CCDC86: variants seen among roughly 807,000 people sequenced by gnomAD.
CCDC86 encodes the protein coiled-coil domain-containing protein 86.
In CCDC86, 28 loss-of-function variants were observed where a neutral mutation model predicts 36.7. The ratio of observed to expected loss-of-function variants is 0.76; its 90% confidence interval spans 0.57 to 1.05. The LOEUF is 1.05. Among genes scored for constraint, CCDC86 ranks in the 50% least tolerant of loss-of-function variants. The pLI is 0.00. For synonymous variants in CCDC86, 199 were observed against 203.4 expected (o/e 0.98, Z 0.18); for missense variants, 453 against 470.2 (o/e 0.96, Z 0.34).
In CCDC86 at chr11:60,850,518, G is replaced by A. The variant is rs1855249217; in HGVS notation, c.*193G>A. Reference sequence around the variant, plus strand: ...TCTGTGTGGGACAGAAGCCCAGAGGGGGCCTGGGACCTGGCAGAGATGGGG... The same window carrying A: ...TCTGTGTGGGACAGAAGCCCAGAGGAGGCCTGGGACCTGGCAGAGATGGGG... On this transcript the variant is annotated 3_prime_UTR_variant, in exon 4 of 4. Transcript: ENST00000227520. 1 of 642,970 alleles carries A rather than the reference G, an allele frequency of 1.6e-6. No homozygotes were observed. Among genetic ancestry groups the A allele is most frequent in the Non-Finnish European group, 2.5e-6 (1 of 395,060 alleles). 39.8% of individuals were successfully genotyped at this position (642,970 alleles called of 1,614,324 possible).
At chr11:60,848,566 C>G (rs1436268462) in intron 2 of CCDC86, among the ~76,000 whole-genome samples, 1 of 152,162 alleles carries the variant, frequency 6.6e-6, no homozygotes, top group Non-Finnish European at 1.5e-5. Flanking sequence ...CAGGAAGCCC[C>G]TGTAAAGGGT....
At chr11:60,848,164 A>C in intron 2 of CCDC86, 111 bp downstream of exon 2, 1 of 1,364,554 alleles carries the variant, frequency 7.3e-7, no homozygotes, top group Non-Finnish European at 9.8e-7. Flanking sequence ...CGACTTGGTT[A>C]AAAAACGTTC....
chr11:60,847,866 A>T (rs1410775729), intron 1 of CCDC86, 58 bp from the exon 2 acceptor site: 1 of 1,523,806 alleles, frequency 6.6e-7, no homozygotes, highest in Non-Finnish European at 8.9e-7. Flanking sequence ...GAGAGGAGAC[A>T]GGGCATGGGT....
chr11:60,844,519 G>C (rs904200661), intron 1 of CCDC86, among the ~76,000 whole-genome samples: 3 of 152,244 alleles, frequency 2.0e-5, no homozygotes, highest in African/African-American at 7.2e-5. Context: ...TGTTTGAAAG[G>C]CTCTTTCCCT....
chr11:60,849,901 T>A (rs1354238803), intron 2 of CCDC86, 39 bp from the exon 3 acceptor site: 1 of 1,580,326 alleles, frequency 6.3e-7, no homozygotes. Context: ...GGGCTGCCTC[T>A]GCTCCCCGAC....
At chr11:60,845,426 T>C (rs985903398) in intron 1 of CCDC86, among the ~76,000 whole-genome samples, 8 of 152,322 alleles carry the variant, frequency 5.3e-5, no homozygotes, top group African/African-American at 1.9e-4. Flanking sequence ...AAGGAGGCTG[T>C]CTCAAGAGAA....
chr11:60,847,059 G>A (rs1855193338), intron 1 of CCDC86, among the ~76,000 whole-genome samples: 1 of 151,842 alleles, frequency 6.6e-6, no homozygotes, highest in South Asian at 2.1e-4. Flanking sequence ...TCCAACTGGG[G>A]GAAGAGATTC....
chr11:60,849,913 C>T (rs753194844), intron 2 of CCDC86, 27 bp from the exon 3 acceptor site: 1 of 1,606,644 alleles, frequency 6.2e-7, no homozygotes, highest in Admixed American at 1.7e-5. Context: ...CTCCCCGACT[C>T]AAATCCCCTT....
chr11:60,846,577 CT>C (rs919141649), intron 1 of CCDC86, among the ~76,000 whole-genome samples: 1 of 150,506 alleles, frequency 6.6e-6, no homozygotes. Context: ...TTCTTTTTTT[CT>C]TTTTTTTTGT....
At chr11:60,846,490 C>T (rs1468543751) in intron 1 of CCDC86, among the ~76,000 whole-genome samples, 3 of 152,176 alleles carry the variant, frequency 2.0e-5, no homozygotes, top group Admixed American at 2.0e-4. Flanking sequence ...GAGCAAAGCT[C>T]TCAAGTCCCC....
chr11:60,843,987 G>A (rs538208922), intron 1 of CCDC86, among the ~76,000 whole-genome samples: 47 of 152,340 alleles, frequency 3.1e-4, no homozygotes, highest in African/African-American at 1.1e-3. Context: ...TGTAACTGTT[G>A]GAGAAGTGGA....
chr11:60,850,519 G>A lies in CCDC86; in HGVS notation c.*194G>A, dbSNP rs1855249265. 2 of 630,864 alleles carry A rather than the reference G, an allele frequency of 3.2e-6. No individual in the cohort carries two copies. The highest frequency in any genetic ancestry group is 5.1e-5 in the South Asian group (2 of 39,598). 39.1% of individuals were successfully genotyped at this position (630,864 alleles called of 1,614,324 possible). A position where few individuals can be genotyped will look rare whatever the true frequency, so the allele number is the denominator to read the frequency against. ...CTGTGTGGGACAGAAGCCCAGAGGG[G>A]GCCTGGGACCTGGCAGAGATGGGGG... is the stretch of plus-strand genomic sequence containing the variant. On this transcript the variant is annotated 3_prime_UTR_variant, in exon 4 of 4. Transcript: ENST00000227520.
Position 60,842,686 on chromosome 11 carries a change from T to TC in CCDC86, c.568dup (p.Arg190ProfsTer5). On this transcript the variant is annotated frameshift_variant, in exon 1 of 4. Transcript: ENST00000227520. LOFTEE classifies it high-confidence loss of function. ...GGAGCTGACACCCAGGGCACCTGGC[T>TC]CCCCCCGGGGTCAGCATGAGCCGAG... 1 of 1,613,186 alleles carries TC rather than the reference T, an allele frequency of 6.2e-7. No individual in the cohort carries two copies. The highest frequency in any genetic ancestry group is 1.3e-5 in the African/African-American group (1 of 74,794).
chr11:60,848,312 G>A (rs1444304642), intron 2 of CCDC86, among the ~76,000 whole-genome samples: 2 of 152,216 alleles, frequency 1.3e-5, no homozygotes, highest in African/African-American at 2.4e-5. Context: ...AGGGACGGAG[G>A]GGGAGGACCA....
intron 3 of CCDC86, 92 bp downstream of exon 3, chr11:60,850,106 T>A: frequency 6.2e-7 from 1 of 1,606,732 alleles, no homozygotes; most frequent in Non-Finnish European, 8.5e-7. Context: ...CCCACTCTCA[T>A]GCTACGATCT....
chr11:60,847,712 T>C (rs1355348823), intron 1 of CCDC86: 1 of 476,396 alleles, frequency 2.1e-6, no homozygotes, highest in Non-Finnish European at 3.7e-6. Context: ...CAGAGGCATG[T>C]AGCCAAGGCT....
chr11:60,842,977 TAGAG>T (rs1855143671), intron 1 of CCDC86, 95 bp downstream of exon 1: 1 of 1,441,500 alleles, frequency 6.9e-7, no homozygotes, highest in South Asian at 1.5e-5. Flanking sequence ...GCCCCAGGGT[TAGAG>T]AGAGCTCACG....
At chr11:60,847,841 C>T in intron 1 of CCDC86, 83 bp from the exon 2 acceptor site, 1 of 1,467,166 alleles carries the variant, frequency 6.8e-7, no homozygotes, top group Non-Finnish European at 9.1e-7. Context: ...GGAAGAAGGT[C>T]CAGAGCCTCC....
rs1855241674 is a variant in CCDC86, at chr11:60,850,201, C to T, written c.964-5C>T. 1.2e-6 allele frequency: 2 copies of T among 1,614,172 alleles called. No individual in the cohort carries two copies. Among genetic ancestry groups the T allele is most frequent in the South Asian group, 1.1e-5 (1 of 91,088 alleles). On this transcript the variant is annotated splice_polypyrimidine_tract_variant and splice_region_variant and intron_variant, in intron 3 of 3. Coordinates refer to ENST00000227520, the MANE Select transcript of CCDC86 (RefSeq NM_024098.4). ...ACTAATGTCCTCCCCTCATACCACC[C>T]CCAGATCCGAAACCCCGCCAAGCTC...
Sources: allele counts gnomAD v4.1 joint callset (sites outside exome capture counted in the v4.1 genomes callset), GRCh38; gene constraint gnomAD v4.1.1; transcripts MANE v1.5; gene names NCBI Gene and HGNC (gene_info 2026-07-23, HGNC 2026-07-21).